Variants in ROPN1B observed in about 807,000 individuals in gnomAD.
ROPN1B encodes ropporin-1B.
A neutral mutation model predicts 23.7 loss-of-function variants in ROPN1B; 13 were observed. That is an observed-to-expected ratio of 0.55 (90% CI 0.36 to 0.87). The LOEUF is 0.87. Among genes scored for constraint, ROPN1B ranks in the 40% least tolerant of loss-of-function variants. ROPN1B has a pLI of 0.01. For synonymous variants in ROPN1B, 67 were observed against 100.4 expected, an observed-to-expected ratio of 0.67 and a Z score of 1.99; for missense variants, 183 against 249.2, an observed-to-expected ratio of 0.73 and a Z score of 1.79.
chr3:125,974,561 C>T (rs950300506), intron 3 of ROPN1B, among the ~76,000 whole-genome samples: 33 of 152,296 alleles, frequency 2.2e-4, no homozygotes, highest in African/African-American at 7.2e-4. Flanking sequence ...GTTCATGGAT[C>T]GTCAATAACC....
At chr3:125,973,815 T>G (rs1485210771) in intron 3 of ROPN1B, 3 of 152,168 alleles carry the variant, frequency 2.0e-5, no homozygotes, top group Admixed American at 2.0e-4. Context: ...ACCTGTAGCA[T>G]TTTAGAGAAT....
intron 2 of ROPN1B, 21 bp from the exon 3 acceptor site, chr3:125,972,022 T>C (rs1313636202): frequency 1.2e-6 from 2 of 1,606,060 alleles, no homozygotes; most frequent in East Asian, 2.2e-5. Context: ...TCATCTTATG[T>C]ATTTTTTCTC....
intron 2 of ROPN1B, among the ~76,000 whole-genome samples, chr3:125,971,410 A>G (rs184254314): frequency 4.3e-4 from 65 of 152,294 alleles, no homozygotes; most frequent in African/African-American, 1.4e-3. Flanking sequence ...ATGGAATTGT[A>G]TATATTTTAT....
In ROPN1B at chr3:125,983,321, C is replaced by A. The variant is rs746970040; in HGVS notation, c.*1C>A. On this transcript the variant is annotated 3_prime_UTR_variant, in exon 7 of 7. Coordinates refer to ENST00000514116, the MANE Select transcript of ROPN1B (RefSeq NM_001308313.2). Reference sequence around the variant, plus strand: ...AAACCCCAGGGTTTGGCTGGAGTAACAGCACAATTTTGGCAATTTTAAAGG... The same window carrying A: ...AAACCCCAGGGTTTGGCTGGAGTAAAAGCACAATTTTGGCAATTTTAAAGG... The A allele has an allele frequency of 6.2e-7, 1 of 1,611,606 alleles. No homozygotes were observed. Among genetic ancestry groups the A allele is most frequent in the Non-Finnish European group, 8.5e-7 (1 of 1,178,014 alleles).
At chr3:125,972,296 G>A in intron 3 of ROPN1B, 126 bp downstream of exon 3, 1 of 815,780 alleles carries the variant, frequency 1.2e-6, no homozygotes, top group South Asian at 1.6e-5. Context: ...CTTTGTTTTA[G>A]CTCTTGCATT....
intron 6 of ROPN1B, among the ~76,000 whole-genome samples, chr3:125,982,727 A>AT (rs1290349786): frequency 3.3e-5 from 5 of 152,340 alleles, no homozygotes; most frequent in African/African-American, 1.2e-4. Context: ...GACCCATGGA[A>AT]TCATAAACTG....
chr3:125,976,253 G>A (rs747523933), intron 4 of ROPN1B, among the ~76,000 whole-genome samples: 29 of 152,294 alleles, frequency 1.9e-4, no homozygotes, highest in Non-Finnish European at 3.4e-4. Context: ...AGGACAGAGC[G>A]GTTTGGGGTG....
At position 125,983,388 on chromosome 3, in the gene ROPN1B, T is replaced by C; in HGVS notation, c.*68T>C. 6 of 1,059,544 alleles carry C rather than the reference T, an allele frequency of 5.7e-6. No individual in the cohort carries two copies. Among genetic ancestry groups the C allele is most frequent in the Non-Finnish European group, 8.8e-6 (6 of 679,114 alleles). 65.6% of individuals were successfully genotyped at this position (1,059,544 alleles called of 1,614,324 possible). A position where few individuals can be genotyped will look rare whatever the true frequency, so the allele number is the denominator to read the frequency against. On this transcript the variant is annotated 3_prime_UTR_variant, in exon 7 of 7. Coordinates refer to ENST00000514116, the MANE Select transcript of ROPN1B (RefSeq NM_001308313.2). ...TGTACTTCAGAATGATAAACCCATA[T>C]ACCACCTAAAATCAATTTTCTTGTA...
chr3:125,982,870 G>A (rs1938655974), intron 6 of ROPN1B, among the ~76,000 whole-genome samples: 1 of 152,160 alleles, frequency 6.6e-6, no homozygotes, highest in South Asian at 2.1e-4. Context: ...GAGTTAAGAG[G>A]AAAAGAGGGC....
intron 5 of ROPN1B, among the ~76,000 whole-genome samples, chr3:125,980,986 C>T (rs564147098): frequency 1.4e-4 from 22 of 152,032 alleles, no homozygotes; most frequent in Non-Finnish European, 2.9e-4. Context: ...GATAGGACCC[C>T]CAGGGACAGA....
chr3:125,971,674 G>GAA (rs1938211049), intron 2 of ROPN1B, among the ~76,000 whole-genome samples: 1 of 152,146 alleles, frequency 6.6e-6, no homozygotes, highest in South Asian at 2.1e-4. Context: ...ATATACTTTT[G>GAA]AGTAAATAAG....
intron 5 of ROPN1B, among the ~76,000 whole-genome samples, chr3:125,981,667 C>T (rs1395074350): frequency 6.6e-6 from 1 of 152,132 alleles, no homozygotes; most frequent in Non-Finnish European, 1.5e-5. Context: ...TCATTCTCAA[C>T]CAATATTTCC....
Position 125,972,208 on chromosome 3 carries a change from G to A in ROPN1B, c.116+38G>A, listed in dbSNP as rs371106382. ...TTCTCGCCTTCATCTCTTGGAGGAC[G>A]GGCGGGGAGAGAGGGTCCTGTAAAA... On this transcript the variant is annotated intron_variant, in intron 3 of 6. Transcript: ENST00000514116. 15 of 1,603,934 alleles carry A rather than the reference G, an allele frequency of 9.4e-6. No homozygotes were observed. In the African/African-American group the frequency reaches 1.1e-4, roughly 11 times the overall value.
At chr3:125,976,701 A>G (rs552915291) in intron 4 of ROPN1B, 1 of 556,498 alleles carries the variant, frequency 1.8e-6, no homozygotes, top group African/African-American at 1.8e-5. Context: ...GGAATAAAAC[A>G]ATTTAGGAAT....
At chr3:125,971,989 T>G in intron 2 of ROPN1B, 54 bp from the exon 3 acceptor site, 1 of 1,543,678 alleles carries the variant, frequency 6.5e-7, no homozygotes. Context: ...CCAGGATTGC[T>G]CTCATCTTAT....
chr3:125,971,280 G>C lies in ROPN1B; in HGVS notation c.-13+118G>C, dbSNP rs1419382241. 2.0e-5 allele frequency: 3 copies of C among 152,236 alleles called. No individual in the cohort carries two copies. The South Asian group carries it at 6.2e-4, about 32-fold the overall frequency. 9.4% of individuals were successfully genotyped at this position (152,236 alleles called of 1,614,324 possible). On this transcript the variant is annotated intron_variant, in intron 2 of 6. Coordinates refer to ENST00000514116, the MANE Select transcript of ROPN1B (RefSeq NM_001308313.2). ...CCCAGCAAGGCAATGTGAAAGGCTT[G>C]TACTGAGATTTGTCTGGCCTCTAGG...
chr3:125,978,261 TA>T (rs149297214), intron 5 of ROPN1B, among the ~76,000 whole-genome samples: 1 of 151,964 alleles, frequency 6.6e-6, no homozygotes, highest in Non-Finnish European at 1.5e-5. Context: ...AACGGGAAGA[TA>T]AAAAAATGAA....
intron 3 of ROPN1B, chr3:125,973,247 C>A: frequency 2.9e-6 from 1 of 345,332 alleles, no homozygotes; most frequent in South Asian, 2.2e-5. Context: ...AGTGTGGACA[C>A]CTTTGAGAAG....
At chr3:125,982,474 A>G in intron 6 of ROPN1B, 29 bp downstream of exon 6, 1 of 1,567,430 alleles carries the variant, frequency 6.4e-7, no homozygotes, top group Non-Finnish European at 8.6e-7. Context: ...ATTGGAGGTG[A>G]AAGAATACCA....
Sources: gnomAD v4.1 joint callset for allele counts (sites outside exome capture counted in the v4.1 genomes callset) on GRCh38, gnomAD v4.1.1 for gene constraint, MANE v1.5 for transcripts, NCBI Gene and HGNC (gene_info 2026-07-23, HGNC 2026-07-21) for gene names.